RDX: variants seen among roughly 807,000 people sequenced by gnomAD.
RDX encodes the protein deafness, autosomal recessive 24.
In RDX, 32 loss-of-function variants were observed where a neutral mutation model predicts 83.7. That is an observed-to-expected ratio of 0.38 (90% CI 0.29 to 0.51). RDX has a LOEUF of 0.51. Ranked by LOEUF, RDX falls within the 20% of genes least tolerant of loss-of-function variation. The pLI, the probability that RDX is intolerant of heterozygous loss-of-function variation, is 0.87. For synonymous variants in RDX, 229 were observed against 222.7 expected, an observed-to-expected ratio of 1.03 and a Z score of -0.25; for missense variants, 600 against 689.9, an observed-to-expected ratio of 0.87 and a Z score of 1.46.
chr11:110,200,333 C>G (rs367688847), intron 14 of RDX: 1 of 152,616 alleles, frequency 6.6e-6, no homozygotes, highest in African/African-American at 2.4e-5. Flanking sequence ...TTCAGCCCTA[C>G]TCTCTCTGGT....
At position 110,264,040 on chromosome 11, in the gene RDX, A is replaced by G. The variant is rs1189557793; in HGVS notation, c.387T>C (p.Ala129=). 5 of 1,613,382 alleles carry G rather than the reference A, an allele frequency of 3.1e-6. No homozygotes were observed. The highest frequency in any genetic ancestry group is 3.4e-6 in the Non-Finnish European group (4 of 1,179,332). The change falls in exon 5 of 14, where the codon GCT becomes GCC. Residue 129 remains alanine (A), a synonymous_variant. Transcript: ENST00000645495. ...PETAVLLASY[A]VQAKYGDYNK... is the part of the protein sequence containing the mutation. ...TGTAATCTCCATACTTGGCTTGGAC[A>G]GCATAGGAAGCCAAAAGAACTGCAG...
At chr11:110,229,112 T>C (rs1424208899), downstream of RDX, among the ~76,000 whole-genome samples, 1 of 152,100 alleles carries the variant, frequency 6.6e-6, no homozygotes, top group East Asian at 1.9e-4. Flanking sequence ...TGTTGAAATG[T>C]TAATAGTGAG....
At chr11:110,220,036 T>C (rs1478939867) in intron 14 of RDX, among the ~76,000 whole-genome samples, 1 of 152,186 alleles carries the variant, frequency 6.6e-6, no homozygotes, top group Non-Finnish European at 1.5e-5. Flanking sequence ...GTATTTTGTG[T>C]ACCGGGAGAA....
In RDX at chr11:110,253,930, G is replaced by A; in HGVS notation, c.959+16C>T. The A allele has an allele frequency of 6.2e-7, 1 of 1,612,282 alleles. No individual in the cohort carries two copies. The highest frequency in any genetic ancestry group is 8.5e-7 in the Non-Finnish European group (1 of 1,179,164). On this transcript the variant is annotated intron_variant, in intron 9 of 13. Coordinates refer to ENST00000645495, the MANE Select transcript of RDX (RefSeq NM_002906.4). ...TACTCCTATCAATTAAAAGTGAAAG[G>A]TCATAAACCCCATACCTTTCCAACT... is the stretch of plus-strand genomic sequence containing the variant.
intron 1 of RDX, chr11:110,286,858 C>G (rs1861001937): frequency 6.6e-6 from 1 of 152,178 alleles, no homozygotes; most frequent in African/African-American, 2.4e-5. Context: ...ATTTTTCCTG[C>G]ATGGGCCCTG....
chr11:110,189,247 A>T (rs1162215100), intron 15 of RDX, among the ~76,000 whole-genome samples: 32 of 126,064 alleles, frequency 2.5e-4, no homozygotes, highest in African/African-American at 8.2e-4. Context: ...AACAGGTAAA[A>T]AAAAAAAAAA....
In RDX at chr11:110,187,250, T is replaced by C. The variant is rs568769567; in HGVS notation, c.*32-12016A>G. 6.3e-4 allele frequency among the ~76,000 whole-genome samples: 96 copies of C among 152,172 alleles called. 1 individual carries two copies. Among genetic ancestry groups the C allele is most frequent in the Admixed American group, 1.2e-3 (18 of 15,296 alleles). ...AACTGCTCCAGTCTTCCTGAGTGAG[T>C]CCTTGGTGTAGCGGGGCCCTCTTTG... On this transcript the variant is annotated intron_variant, in intron 15 of 15. Transcript: ENST00000528498.
intron 10 of RDX, among the ~76,000 whole-genome samples, chr11:110,244,363 CAAAAAAAAAA>C (rs71053874): frequency 2.9e-4 from 15 of 51,316 alleles, no homozygotes; most frequent in Middle Eastern, 0.016. Context: ...GATTCTGGCT[CAAAAAAAAAA>C]AAAAAAAAAA....
Position 110,257,758 on chromosome 11 carries a change from T to C in RDX, c.698+9A>G, listed in dbSNP as rs1565318812. The C allele has an allele frequency of 6.2e-7, 1 of 1,611,464 alleles. No individual in the cohort carries two copies. Among genetic ancestry groups the C allele is most frequent in the Non-Finnish European group, 8.5e-7 (1 of 1,179,484 alleles). On this transcript the variant is annotated intron_variant, in intron 7 of 13. Transcript: ENST00000645495. Reference sequence around the variant, plus strand: ...AATGACTAGTTCACTATGCAACTAATTTACTTACTTGTCGTCATGCTCATA... The same window carrying C: ...AATGACTAGTTCACTATGCAACTAACTTACTTACTTGTCGTCATGCTCATA...
intron 15 of RDX, among the ~76,000 whole-genome samples, chr11:110,198,638 C>A (rs1411889845): frequency 2.0e-5 from 3 of 152,142 alleles, no homozygotes; most frequent in Non-Finnish European, 4.4e-5. Flanking sequence ...GAATCTAATG[C>A]CTCATGATTT....
In RDX at chr11:110,260,947, T is replaced by A. The variant is rs559791281; in HGVS notation, c.468-2758A>T. ...TGTTATTTTTTTCACATATTTTCAA[T>A]CTGTGGTTGGTTGACTCTGTGAATG... On this transcript the variant is annotated intron_variant, in intron 5 of 13. Transcript: ENST00000645495. Among the ~76,000 whole-genome samples the A allele has an allele frequency of 2.0e-4, 31 of 152,320 alleles. 1 individual carries two copies. The South Asian group carries it at 5.0e-3, about 24-fold the overall frequency.
At chr11:110,282,709 T>G (rs1377144734) in intron 1 of RDX, among the ~76,000 whole-genome samples, 1 of 152,206 alleles carries the variant, frequency 6.6e-6, no homozygotes, top group Admixed American at 6.5e-5. Context: ...CCAGGCATGG[T>G]GGCTCACACC....
intron 5 of RDX, among the ~76,000 whole-genome samples, chr11:110,261,912 T>A (rs1051185117): frequency 6.6e-6 from 1 of 152,218 alleles, no homozygotes; most frequent in Non-Finnish European, 1.5e-5. Context: ...ACATGAGTTA[T>A]GAAATGTAAG....
At chr11:110,218,822 T>G (rs1864147895) in intron 14 of RDX, among the ~76,000 whole-genome samples, 1 of 152,206 alleles carries the variant, frequency 6.6e-6, no homozygotes, top group African/African-American at 2.4e-5. Flanking sequence ...CAGGAAGCCT[T>G]CCCTGGAGCT....
At chr11:110,247,917 T>G in intron 9 of RDX, 84 bp from the exon 10 acceptor site, 2 of 1,458,852 alleles carry the variant, frequency 1.4e-6, no homozygotes, top group Non-Finnish European at 1.8e-6. Flanking sequence ...CCATAAAAAG[T>G]AACAAAATAA....
downstream of RDX, among the ~76,000 whole-genome samples, chr11:110,227,326 T>C (rs973756676): frequency 1.3e-5 from 2 of 152,114 alleles, no homozygotes; most frequent in South Asian, 2.1e-4. Flanking sequence ...ATATTACCAC[T>C]AGGAAGATGG....
intron 15 of RDX, among the ~76,000 whole-genome samples, chr11:110,191,816 A>G (rs1186330045): frequency 1.3e-5 from 2 of 152,228 alleles, no homozygotes; most frequent in African/African-American, 4.8e-5. Context: ...AGATCATGCC[A>G]CTGTACTCCA....
chr11:110,201,257 C>T (rs1368697181), intron 14 of RDX, among the ~76,000 whole-genome samples: 3 of 150,274 alleles, frequency 2.0e-5, no homozygotes, highest in African/African-American at 7.3e-5. Flanking sequence ...TAATATTATT[C>T]TCACTGTGAT....
At chr11:110,252,131 C>T (rs1396338599) in intron 9 of RDX, among the ~76,000 whole-genome samples, 1 of 152,158 alleles carries the variant, frequency 6.6e-6, no homozygotes, top group South Asian at 2.1e-4. Context: ...AATATATCTC[C>T]TAGGCATTCA....
Sources: gnomAD v4.1 joint callset for allele counts (sites outside exome capture counted in the v4.1 genomes callset) on GRCh38, gnomAD v4.1.1 for gene constraint, MANE v1.5 for transcripts, NCBI Gene and HGNC (gene_info 2026-07-23, HGNC 2026-07-21) for gene names.